Variants in TRMT2A observed in about 807,000 individuals in gnomAD.
TRMT2A encodes tRNA (uracil-5-)-methyltransferase homolog A.
TRMT2A carries 60 observed loss-of-function variants against 59.3 expected under a neutral mutation model. The ratio of observed to expected loss-of-function variants is 1.01; its 90% CI spans 0.82 to 1.26. The LOEUF is 1.26. TRMT2A is among the 50% of genes most tolerant of loss of function. TRMT2A has a pLI of 0.00. For missense variants in TRMT2A, 863 were observed against 845.2 expected (o/e 1.02, Z -0.26); for synonymous variants, 403 against 353.7 (o/e 1.14, Z -1.56).
Position 20,116,936 on chromosome 22 carries a change from G to T in TRMT2A, c.-30C>A. On this transcript the variant is annotated 5_prime_UTR_variant, in exon 1 of 12. Coordinates refer to ENST00000252136, the MANE Select transcript of TRMT2A (RefSeq NM_022727.6). ...CAGGCGGTTCTCCGCCTAGACCAGG[G>T]ACGCCATGGGGGCCGCCTGGCCACC... is the stretch of plus-strand genomic sequence containing the variant. The T allele has an allele frequency of 6.3e-7, 1 of 1,582,106 alleles. No homozygotes were observed. The highest frequency in any genetic ancestry group is 8.6e-7 in the Non-Finnish European group (1 of 1,163,800).
At position 20,116,041 on chromosome 22, in the gene TRMT2A, G is replaced by T. The variant is rs2147965398; in HGVS notation, c.596C>A (p.Ala199Asp). The T allele has an allele frequency of 1.3e-6, 2 of 1,552,978 alleles. No homozygotes were observed. The highest frequency in any genetic ancestry group is 8.7e-7 in the Non-Finnish European group (1 of 1,146,248). ...LECEQVLQKL[A>D]KEIGSTNRAL... ...GGCGTCTTGCGCCCACACTCACTTG[G>T]CAAGTTTCTGCAGCACCTGCTCGCA... is the stretch of plus-strand genomic sequence containing the variant. The change falls in exon 2 of 12, where the codon GCC becomes GAC. Residue 199 changes from alanine (A) to aspartate (D), a missense_variant. Ala to Asp is a moderately radical substitution (Grantham distance 126). Coordinates refer to ENST00000252136, the MANE Select transcript of TRMT2A (RefSeq NM_022727.6).
In TRMT2A at chr22:20,116,293, G is replaced by A. The variant is rs762273857; in HGVS notation, c.344C>T (p.Thr115Ile). ...GTCCCTCTCTGCAGCGCTGCGGAAT[G>A]TCACAAAGGCGCAGGGTGGTTGCCC... ...LFGQPPCAFV[T>I]FRSAAERDKA... is the part of the protein sequence containing the mutation. Residue 115 changes from threonine (T) to isoleucine (I), a missense_variant, in exon 2 of 12, where the codon ACA (threonine) becomes ATA (isoleucine). Coordinates refer to ENST00000252136, the MANE Select transcript of TRMT2A (RefSeq NM_022727.6). The A allele has an allele frequency of 5.0e-6, 8 of 1,612,966 alleles. No individual in the cohort carries two copies. In the East Asian group the frequency reaches 8.9e-5, roughly 18 times the overall value.
chr22:20,116,335 T>C lies in TRMT2A; in HGVS notation c.302A>G (p.His101Arg). The stretch of plus-strand genomic sequence containing the variant: ...TGGTTGCCCAAAGAGTTTGGTTTTG[T>C]GGGGCTGCAGACCAAAGCGGCCCAG... The part of the protein sequence containing the change: ...RFLGRFGLQP[H>R]KTKLFGQPPC... Residue 101 changes from histidine to arginine, a missense_variant, in exon 2 of 12, where the codon CAC (histidine) becomes CGC (arginine). Coordinates refer to ENST00000252136, the MANE Select transcript of TRMT2A (RefSeq NM_022727.6). 3.1e-6 allele frequency: 5 copies of C among 1,612,964 alleles called. No homozygotes were observed. The highest frequency in any genetic ancestry group is 4.2e-6 in the Non-Finnish European group (5 of 1,180,008).
intron 7 of TRMT2A, among the ~76,000 whole-genome samples, chr22:20,114,370 G>A (rs528162586): frequency 6.6e-6 from 1 of 152,232 alleles, no homozygotes; most frequent in African/African-American, 2.4e-5. Context: ...CCTGTGACAA[G>A]GGCCACTGCC....
chr22:20,113,419 C>T lies in TRMT2A; in HGVS notation c.1432+13G>A. ...CCCCCATCCCCACCCCCACCCACGG[C>T]CTTGCCACTCACCATTGTCCTGGGC... On this transcript the variant is annotated intron_variant, in intron 9 of 11. Coordinates refer to ENST00000252136, the MANE Select transcript of TRMT2A (RefSeq NM_022727.6). The T allele has an allele frequency of 1.3e-6, 2 of 1,591,318 alleles. No homozygotes were observed. The highest frequency in any genetic ancestry group is 1.7e-6 in the Non-Finnish European group (2 of 1,168,232).
At chr22:20,115,846 C>T (rs1255695373) in intron 2 of TRMT2A, 66 bp from the exon 3 acceptor site, 1 of 1,498,732 alleles carries the variant, frequency 6.7e-7, no homozygotes, top group Non-Finnish European at 9.1e-7. Flanking sequence ...AGGCCACTCC[C>T]CAAATGTCCA....
Position 20,112,826 on chromosome 22 carries a change from G to A in TRMT2A, c.1647-32C>T, listed in dbSNP as rs1245432733. ...GGGGAAAAGGGGGGCGCTAAGGTCA[G>A]CCGATAGGCTAATCAGGGGCTCCTG... is the stretch of plus-strand genomic sequence containing the variant. On this transcript the variant is annotated intron_variant, in intron 11 of 11. Coordinates refer to ENST00000252136, the MANE Select transcript of TRMT2A (RefSeq NM_022727.6). The A allele has an allele frequency of 1.9e-6, 3 of 1,612,564 alleles. No individual in the cohort carries two copies. The African/African-American group carries it at 4.0e-5, about 22-fold the overall frequency.
rs447017 is a variant in TRMT2A at position 20,112,635 on chromosome 22, G to C, written c.1806C>G (p.Ser602Arg). 0.056 allele frequency: 89,861 copies of C among 1,614,062 alleles called. 2,949 individuals are homozygous for C. The highest frequency in any genetic ancestry group is 0.068 in the Non-Finnish European group (79,960 of 1,180,008). ...GTCCTGGTGTGGGTTGAGCTGGAGG[G>C]CTGTGGGGCCCCAAGACCCCTGTGC... is the stretch of plus-strand genomic sequence containing the variant. ...PNGTGVLGPH[S>R]PPAQPTPGPP... Residue 602 changes from serine (S) to arginine (R), a missense_variant, in exon 12 of 12, where the codon AGC becomes AGG. By Grantham distance (110) the Ser-to-Arg change is moderately radical. Coordinates refer to ENST00000252136, the MANE Select transcript of TRMT2A (RefSeq NM_022727.6).
At position 20,115,273 on chromosome 22, in the gene TRMT2A, ACTC is replaced by A; in HGVS notation, c.880_882del (p.Glu294del). ...CCCGTCACAGGTCCTCACCGGATGA[ACTC>A]CTGGAAGGCCTTCACCACCTGCTTG... On this transcript the variant is annotated inframe_deletion, in exon 4 of 12. Transcript: ENST00000252136. 3 of 1,610,724 alleles carry A rather than the reference ACTC, an allele frequency of 1.9e-6. No individual in the cohort carries two copies. The highest frequency in any genetic ancestry group is 1.7e-4 in the Middle Eastern group (1 of 6,056).
chr22:20,115,521 G>T, intron 3 of TRMT2A, 74 bp from the exon 4 acceptor site: 2 of 1,576,354 alleles, frequency 1.3e-6, no homozygotes, highest in Non-Finnish European at 8.6e-7. Context: ...TTCCCCACAG[G>T]GGCTGGCAGT....
chr22:20,112,479 A>G lies in TRMT2A; in HGVS notation c.*84T>C. On this transcript the variant is annotated 3_prime_UTR_variant, in exon 12 of 12. Coordinates refer to ENST00000252136, the MANE Select transcript of TRMT2A (RefSeq NM_022727.6). ...GTGCCCTTTGGCTGCCTACCTCTGAATATCCTGGCCAGCAAGCCATGCCTT... is the reference window on the plus strand; with the variant it reads ...GTGCCCTTTGGCTGCCTACCTCTGAGTATCCTGGCCAGCAAGCCATGCCTT... The G allele has an allele frequency of 1.3e-6, 2 of 1,486,410 alleles. No individual in the cohort carries two copies. Among genetic ancestry groups the G allele is most frequent in the Non-Finnish European group, 9.0e-7 (1 of 1,109,504 alleles). 92.1% of individuals were successfully genotyped at this position (1,486,410 alleles called of 1,614,324 possible).
Position 20,112,916 on chromosome 22 carries a change from A to C in TRMT2A, c.1641T>G (p.Phe547Leu). The C allele has an allele frequency of 6.2e-7, 1 of 1,613,670 alleles. No homozygotes were observed. Among genetic ancestry groups the C allele is most frequent in the Non-Finnish European group, 8.5e-7 (1 of 1,179,962 alleles). Reference sequence around the variant, plus strand: ...AGGCCCCTGCAGACACTCACTCCACAAAGTTGCCCATGGCTGCCCGGGGGT... The same window carrying C: ...AGGCCCCTGCAGACACTCACTCCACCAAGTTGCCCATGGCTGCCCGGGGGT... ...SCNPRAAMGN[F>L]VDLCRAPSNR... Residue 547 changes from phenylalanine to leucine, a missense_variant, in exon 11 of 12, where the codon TTT (phenylalanine) becomes TTG (leucine). Physicochemically the swap from Phe to Leu is conservative, Grantham distance 22. Coordinates refer to ENST00000252136, the MANE Select transcript of TRMT2A (RefSeq NM_022727.6).
In TRMT2A at chr22:20,116,307, G is replaced by A. The variant is rs151276570; in HGVS notation, c.330C>T (p.Pro110=). ...CGCTGCGGAATGTCACAAAGGCGCA[G>A]GGTGGTTGCCCAAAGAGTTTGGTTT... ...PHKTKLFGQP[P]CAFVTFRSAA... is the part of the protein sequence containing the mutation. Residue 110 remains proline (P), a synonymous_variant, in exon 2 of 12, where the codon CCC becomes CCT. Coordinates refer to ENST00000252136, the MANE Select transcript of TRMT2A (RefSeq NM_022727.6). 48 of 1,612,860 alleles carry A rather than the reference G, an allele frequency of 3.0e-5. No homozygotes were observed. The African/African-American group carries it at 5.7e-4, about 19-fold the overall frequency.
chr22:20,115,814 C>T, intron 2 of TRMT2A, 34 bp from the exon 3 acceptor site: 1 of 1,579,796 alleles, frequency 6.3e-7, no homozygotes, highest in Middle Eastern at 2.0e-4. Flanking sequence ...TTGGACTCCA[C>T]CTACTGCCCC....
chr22:20,113,513 A>G lies in TRMT2A; in HGVS notation c.1357-6T>C. The G allele has an allele frequency of 6.2e-7, 1 of 1,613,416 alleles. No individual in the cohort carries two copies. The highest frequency in any genetic ancestry group is 8.5e-7 in the Non-Finnish European group (1 of 1,179,910). ...CCAATGACCCTCTTTACCTTCTGAA[A>G]CAGGAAAGCGTGGTGTCGCCCCACC... On this transcript the variant is annotated splice_region_variant and splice_polypyrimidine_tract_variant and intron_variant, in intron 8 of 11. Transcript: ENST00000252136.
chr22:20,116,852 C>T (rs1568976382), intron 1 of TRMT2A, 31 bp downstream of exon 1: 1 of 1,599,492 alleles, frequency 6.3e-7, no homozygotes, highest in Non-Finnish European at 8.5e-7. Flanking sequence ...ACCCCATCCC[C>T]GTCTCTACCC....
In TRMT2A at chr22:20,112,896, C is replaced by T. The variant is rs185808815; in HGVS notation, c.1646+15G>A. On this transcript the variant is annotated intron_variant, in intron 11 of 11. Coordinates refer to ENST00000252136, the MANE Select transcript of TRMT2A (RefSeq NM_022727.6). ...AGCAGGCCTAGCCCCCACCCAGGCC[C>T]CTGCAGACACTCACTCCACAAAGTT... 6 of 1,613,492 alleles carry T rather than the reference C, an allele frequency of 3.7e-6. No homozygotes were observed. Among genetic ancestry groups the T allele is most frequent in the Admixed American group, 3.3e-5 (2 of 60,030 alleles).
At position 20,113,481 on chromosome 22, in the gene TRMT2A, C is replaced by T. The variant is rs2049912328; in HGVS notation, c.1383G>A (p.Glu461=). 1 of 1,613,420 alleles carries T rather than the reference C, an allele frequency of 6.2e-7. No individual in the cohort carries two copies. The highest frequency in any genetic ancestry group is 8.5e-7 in the Non-Finnish European group (1 of 1,179,940). ...CGTCCTCCACAGCCTCTGGGCATAG[C>T]TCGACCCCAATGACCCTCTTTACCT... ...ARKVKRVIGV[E]LCPEAVEDAR... Residue 461 remains glutamate, a synonymous_variant, in exon 9 of 12, where the codon GAG becomes GAA. Transcript: ENST00000252136.
rs1213074072 is a variant in TRMT2A at position 20,116,123 on chromosome 22, C to A, written c.514G>T (p.Val172Leu). The change falls in exon 2 of 12, where the codon GTG becomes TTG. Residue 172 changes from valine (V) to leucine (L), a missense_variant. Val to Leu is a conservative substitution (Grantham distance 32, BLOSUM62 1). Transcript: ENST00000252136. The part of the protein sequence containing the change: ...EPPVTRVADV[V>L]TPLWTVPYAE... ...TAGGGCACTGTCCATAGAGGGGTCA[C>A]CACGTCGGCCACTCGTGTTACTGGT... 2 of 1,612,636 alleles carry A rather than the reference C, an allele frequency of 1.2e-6. No homozygotes were observed. The highest frequency in any genetic ancestry group is 3.3e-5 in the Admixed American group (2 of 59,994).
Sources: gnomAD v4.1 joint callset for allele counts (sites outside exome capture counted in the v4.1 genomes callset) on GRCh38, gnomAD v4.1.1 for gene constraint, MANE v1.5 for transcripts, NCBI Gene and HGNC (gene_info 2026-07-23, HGNC 2026-07-21) for gene names.